NPAS3: variants seen among roughly 807,000 people sequenced by gnomAD.
NPAS3 encodes the protein neuronal PAS domain protein 3.
In NPAS3, 14 loss-of-function variants were observed where a neutral mutation model predicts 73.1. That is an observed-to-expected ratio of 0.19 (90% CI 0.13 to 0.30). The LOEUF is 0.30. Among genes scored for constraint, NPAS3 ranks in the 10% least tolerant of loss-of-function variants. The pLI is 1.00. For missense variants in NPAS3, 1,096 were observed against 1,250.0 expected, an observed-to-expected ratio of 0.88 and a Z score of 1.86; for synonymous variants, 620 against 541.5, an observed-to-expected ratio of 1.14 and a Z score of -2.01.
At chr14:33,743,326 C>A (rs2061701237) in intron 7 of NPAS3, among the ~76,000 whole-genome samples, 1 of 152,156 alleles carries the variant, frequency 6.6e-6, no homozygotes, top group Non-Finnish European at 1.5e-5. Context: ...ACACTGACCC[C>A]CCTGTATGTT....
intron 3 of NPAS3, among the ~76,000 whole-genome samples, chr14:33,262,172 G>A (rs994382148): frequency 5.9e-5 from 9 of 152,156 alleles, no homozygotes; most frequent in African/African-American, 9.7e-5. Flanking sequence ...AACCCTGATG[G>A]TGTTGGTATT....
At chr14:33,595,780 C>G (rs2057222395) in intron 5 of NPAS3, among the ~76,000 whole-genome samples, 1 of 152,126 alleles carries the variant, frequency 6.6e-6, no homozygotes, top group South Asian at 2.1e-4. Context: ...ACGCCATTCT[C>G]CTGCCTCAGC....
At chr14:33,624,494 A>G (rs1396407601) in intron 5 of NPAS3, among the ~76,000 whole-genome samples, 3 of 152,096 alleles carry the variant, frequency 2.0e-5, no homozygotes, top group African/African-American at 4.8e-5. Flanking sequence ...TGAGATTCTC[A>G]GAGGTCCTTG....
intron 2 of NPAS3, among the ~76,000 whole-genome samples, chr14:33,194,689 T>C (rs543048068): frequency 1.3e-5 from 2 of 152,294 alleles, no homozygotes; most frequent in African/African-American, 4.8e-5. Flanking sequence ...AGAGGAATAA[T>C]GCTATCTGAT....
chr14:33,776,362 T>C (rs552672319), intron 8 of NPAS3, among the ~76,000 whole-genome samples: 2 of 151,956 alleles, frequency 1.3e-5, no homozygotes, highest in East Asian at 3.9e-4. Context: ...TTTACCAAAC[T>C]TCCAATGATT....
chr14:33,512,045 G>A (rs889351418), intron 4 of NPAS3, among the ~76,000 whole-genome samples: 8 of 152,032 alleles, frequency 5.3e-5, no homozygotes, highest in African/African-American at 1.7e-4. Context: ...ATTTTGAACA[G>A]TCTTGCACTT....
downstream of NPAS3, chr14:33,803,592 C>T (rs149809342): frequency 2.6e-5 from 4 of 151,908 alleles, 1 homozygote; most frequent in African/African-American, 7.2e-5. Flanking sequence ...AACAGCTAGA[C>T]AGCTGTTTTT....
At chr14:33,752,315 C>T (rs1234143839) in intron 7 of NPAS3, among the ~76,000 whole-genome samples, 2 of 152,106 alleles carry the variant, frequency 1.3e-5, no homozygotes, top group Non-Finnish European at 2.9e-5. Flanking sequence ...CTCAAATGCA[C>T]GTACTTCTGT....
At chr14:33,511,548 C>G (rs1983757) in intron 4 of NPAS3, among the ~76,000 whole-genome samples, 47,747 of 151,680 alleles carry the variant, frequency 0.31, 8,395 homozygotes, top group Admixed American at 0.44. Flanking sequence ...TGGCATGTGG[C>G]CGCGCTGTTG....
At chr14:33,487,743 T>G (rs1367762709) in intron 4 of NPAS3, among the ~76,000 whole-genome samples, 1 of 152,166 alleles carries the variant, frequency 6.6e-6, no homozygotes, top group Non-Finnish European at 1.5e-5. Context: ...TCTACGTAAT[T>G]TTCCATTTGA....
intron 5 of NPAS3, among the ~76,000 whole-genome samples, chr14:33,670,940 C>G (rs1323853448): frequency 7.1e-6 from 1 of 141,508 alleles, no homozygotes; most frequent in African/African-American, 2.6e-5. Context: ...TTAATATCAG[C>G]CTTACAAAAG....
At chr14:33,167,045 T>A (rs1859544493) in intron 2 of NPAS3, among the ~76,000 whole-genome samples, 1 of 152,204 alleles carries the variant, frequency 6.6e-6, no homozygotes, top group African/African-American at 2.4e-5. Context: ...CAAGGGCTAT[T>A]TTCATATTGG....
intron 1 of NPAS3, among the ~76,000 whole-genome samples, chr14:33,050,258 GT>G (rs1029604551): frequency 6.6e-6 from 1 of 152,184 alleles, no homozygotes; most frequent in African/African-American, 2.4e-5. Flanking sequence ...GGCCAGTTGG[GT>G]TTTTTTGTTT....
At chr14:33,318,477 T>C (rs775169428) in intron 3 of NPAS3, among the ~76,000 whole-genome samples, 1 of 152,130 alleles carries the variant, frequency 6.6e-6, no homozygotes, top group Non-Finnish European at 1.5e-5. Flanking sequence ...ACAGTTAAGA[T>C]GGTAAATTTC....
At chr14:33,772,207 T>A (rs1181847311) in intron 7 of NPAS3, among the ~76,000 whole-genome samples, 1 of 152,218 alleles carries the variant, frequency 6.6e-6, no homozygotes, top group African/African-American at 2.4e-5. Flanking sequence ...CAGTTTATAG[T>A]CACCGTTATC....
intron 1 of NPAS3, among the ~76,000 whole-genome samples, chr14:32,999,338 C>A (rs1172287564): frequency 6.6e-6 from 1 of 151,988 alleles, no homozygotes; most frequent in Non-Finnish European, 1.5e-5. Flanking sequence ...GGTGAAACCC[C>A]ATCTCTACTA....
chr14:33,534,270 AT>A (rs1391019213), intron 4 of NPAS3, among the ~76,000 whole-genome samples: 1 of 151,922 alleles, frequency 6.6e-6, no homozygotes, highest in African/African-American at 2.4e-5. Context: ...TGTATGAACC[AT>A]GGCATGCTGA....
chr14:33,263,733 C>T (rs1012452073), intron 3 of NPAS3, among the ~76,000 whole-genome samples: 58 of 152,154 alleles, frequency 3.8e-4, no homozygotes, highest in Non-Finnish European at 2.4e-4. Context: ...TTTCATGATA[C>T]TGATTCTTCC....
Position 33,631,184 on chromosome 14 carries a change from G to A in NPAS3, c.559-45027G>A, listed in dbSNP as rs141203412. ...TCTCATTGTTTGGAGCTTCTTTAGA[G>A]CTGAATCACAAACTAATGATCTCCA... is the stretch of plus-strand genomic sequence containing the variant. On this transcript the variant is annotated intron_variant, in intron 5 of 11. Coordinates refer to ENST00000356141, the Ensembl canonical transcript of NPAS3. Among the ~76,000 whole-genome samples the A allele has an allele frequency of 1.6e-3, 251 of 152,334 alleles. 1 individual carries two copies. The highest frequency in any genetic ancestry group is 2.8e-3 in the Non-Finnish European group (191 of 68,038).
Sources: allele counts gnomAD v4.1 joint callset (sites outside exome capture counted in the v4.1 genomes callset), GRCh38; gene constraint gnomAD v4.1.1; transcripts MANE v1.5; gene names NCBI Gene and HGNC (gene_info 2026-07-23, HGNC 2026-07-21).